Variants in YTHDF1 observed in about 807,000 individuals in gnomAD.
The protein encoded by YTHDF1 is YTH N6-methyladenosine RNA binding protein F1, also known as YTH domain-containing family protein 1.
A neutral mutation model predicts 49.1 loss-of-function variants in YTHDF1; 16 were observed. The observed-to-expected ratio is 0.33, with a 90% CI of 0.22 to 0.49. YTHDF1 has a LOEUF of 0.49. Ranked by LOEUF, YTHDF1 falls within the 20% of genes least tolerant of loss-of-function variation. The pLI, the probability that YTHDF1 is intolerant of heterozygous loss-of-function variation, is 0.99. For synonymous variants in YTHDF1, 313 were observed against 290.1 expected (o/e 1.08, Z -0.80); for missense variants, 621 against 744.3 (o/e 0.83, Z 1.93).
chr20:63,203,104 G>C lies in YTHDF1; in HGVS notation c.836C>G (p.Pro279Arg). ...MDIGTWDNKGPVPKAPVPQQA... is the reference protein window; with the variant it reads ...MDIGTWDNKGRVPKAPVPQQA... ...CTGGGGGACTGGGGCCTTCGGCACA[G>C]GCCCCTTGTTATCCCAGGTGCCAAT... Residue 279 changes from proline to arginine, a missense_variant, in exon 4 of 5, where the codon CCT (proline) becomes CGT (arginine). Physicochemically the swap from Pro to Arg is moderately radical, Grantham distance 103. Transcript: ENST00000370339. This position sits in a 1 kb window ranked among gnomAD's most constrained non-coding sequence, Gnocchi z 4.4. The C allele has an allele frequency of 6.2e-7, 1 of 1,611,390 alleles. No individual in the cohort carries two copies. Among genetic ancestry groups the C allele is most frequent in the East Asian group, 2.2e-5 (1 of 44,864 alleles).
Position 63,203,044 on chromosome 20 carries a change from T to A in YTHDF1, c.896A>T (p.Gln299Leu). The change falls in exon 4 of 5, where the codon CAG (glutamine) becomes CTG (leucine). Residue 299 changes from glutamine (Q) to leucine (L), a missense_variant. Physicochemically the swap from Gln to Leu is moderately radical, Grantham distance 113 (BLOSUM62 -2). Around this residue, in one of 2 missense-constraint regions of YTHDF1, gnomAD observed 470 missense variants for 495.8 expected, o/e 0.95. Coordinates refer to ENST00000370339, the MANE Select transcript of YTHDF1 (RefSeq NM_017798.4). This position sits in a 1 kb window ranked among gnomAD's most constrained non-coding sequence, Gnocchi z 4.4. ...APSPQAAPQP[Q>L]QVAQPLPAQP... ...TGCTGGGAGAGGCTGAGCCACCTGCTGGGGCTGTGGGGCAGCCTGTGGAGA... is the reference window on the plus strand; with the variant it reads ...TGCTGGGAGAGGCTGAGCCACCTGCAGGGGCTGTGGGGCAGCCTGTGGAGA... 1 of 1,606,008 alleles carries A rather than the reference T, an allele frequency of 6.2e-7. No individual in the cohort carries two copies. Among genetic ancestry groups the A allele is most frequent in the Non-Finnish European group, 8.5e-7 (1 of 1,175,302 alleles).
intron 3 of YTHDF1, among the ~76,000 whole-genome samples, chr20:63,209,517 C>T (rs1440402170): frequency 6.6e-6 from 1 of 152,056 alleles, no homozygotes; most frequent in Non-Finnish European, 1.5e-5. Context: ...TGCCTATAAT[C>T]CCAGCCCTCT....
At chr20:63,205,982 T>C (rs2066543867) in intron 3 of YTHDF1, among the ~76,000 whole-genome samples, 1 of 148,854 alleles carries the variant, frequency 6.7e-6, no homozygotes, top group Non-Finnish European at 1.5e-5. Context: ...TGCTGCAGCC[T>C]TTCCCTCGGG....
At chr20:63,213,825 C>G (rs760056825) in intron 3 of YTHDF1, 39 bp downstream of exon 3, 8 of 1,563,794 alleles carry the variant, frequency 5.1e-6, no homozygotes, top group African/African-American at 1.4e-5. Flanking sequence ...CAATTAAAAC[C>G]AACTTAAAAA....
chr20:63,209,977 A>G (rs186599909), intron 3 of YTHDF1, among the ~76,000 whole-genome samples: 78 of 152,332 alleles, frequency 5.1e-4, no homozygotes, highest in Admixed American at 2.3e-3. Context: ...TATAGCAAAT[A>G]CACAAAGTAG....
chr20:63,204,807 C>T (rs150211093), intron 3 of YTHDF1, among the ~76,000 whole-genome samples: 183 of 152,216 alleles, frequency 1.2e-3, no homozygotes, highest in African/African-American at 4.1e-3. Flanking sequence ...AGTTCTGGGA[C>T]GGCATCTCCT....
intron 3 of YTHDF1, among the ~76,000 whole-genome samples, chr20:63,206,037 AG>A (rs1179822895): frequency 6.9e-6 from 1 of 145,330 alleles, no homozygotes; most frequent in Non-Finnish European, 1.5e-5. Flanking sequence ...TGAGCGAATC[AG>A]GGGGGCGGTC....
chr20:63,201,566 G>C (rs1349243945), intron 4 of YTHDF1, among the ~76,000 whole-genome samples: 1 of 152,116 alleles, frequency 6.6e-6, no homozygotes, highest in African/African-American at 2.4e-5. Context: ...TCAGGAGTTT[G>C]GCTACAAGTA....
chr20:63,214,381 C>T (rs1326613957), intron 2 of YTHDF1, among the ~76,000 whole-genome samples: 1 of 152,162 alleles, frequency 6.6e-6, no homozygotes, highest in Non-Finnish European at 1.5e-5. Flanking sequence ...CTGTTGGGAG[C>T]TATTATCTGA....
At chr20:63,196,773 C>T (rs2122968550) in intron 4 of YTHDF1, 39 bp from the exon 5 acceptor site, 1 of 1,612,444 alleles carries the variant, frequency 6.2e-7, no homozygotes, top group East Asian at 2.2e-5. Flanking sequence ...GCAGAGTAAC[C>T]ACACCAATGA....
chr20:63,204,210 T>C (rs1224931584), intron 3 of YTHDF1, among the ~76,000 whole-genome samples: 1 of 152,212 alleles, frequency 6.6e-6, no homozygotes, highest in Non-Finnish European at 1.5e-5. Context: ...GAAACAGCTT[T>C]GTAAGGCAGA....
chr20:63,209,416 C>G (rs1161355369), intron 3 of YTHDF1, among the ~76,000 whole-genome samples: 1 of 152,088 alleles, frequency 6.6e-6, no homozygotes, highest in South Asian at 2.1e-4. Flanking sequence ...TTTGTTATAT[C>G]CTTATTCCAT....
chr20:63,197,415 A>C (rs765496843), intron 4 of YTHDF1, among the ~76,000 whole-genome samples: 4 of 152,178 alleles, frequency 2.6e-5, no homozygotes, highest in Non-Finnish European at 5.9e-5. Context: ...TAAGAGAATC[A>C]TCTTTTCCAG....
At chr20:63,199,290 C>T (rs1450725048) in intron 4 of YTHDF1, among the ~76,000 whole-genome samples, 2 of 151,886 alleles carry the variant, frequency 1.3e-5, no homozygotes, top group Admixed American at 6.5e-5. Context: ...GAGGCCAAAG[C>T]GGGCGGATCA....
Position 63,203,792 on chromosome 20 carries a change from A to T in YTHDF1, c.148T>A (p.Ser50Thr), listed in dbSNP as rs989587513. Residue 50 changes from serine (S) to threonine (T), a missense_variant, in exon 4 of 5, where the codon TCA (serine) becomes ACA (threonine). Physicochemically the swap from Ser to Thr is moderately conservative, Grantham distance 58. This residue lies in a region of YTHDF1 where 470 missense variants were observed against 495.8 expected (regional missense o/e 0.95). Coordinates refer to ENST00000370339, the MANE Select transcript of YTHDF1 (RefSeq NM_017798.4). This position sits in a 1 kb window ranked among gnomAD's most constrained non-coding sequence, Gnocchi z 4.4. ...CTGGACAGGTAGGGGTCGCTCATTG[A>T]GGGGTAACTGTTACTCTGCAAAAGC... is the stretch of plus-strand genomic sequence containing the variant. The part of the protein sequence containing the change: ...GQSNQSNSYP[S>T]MSDPYLSSYY... The T allele has an allele frequency of 1.4e-5, 23 of 1,604,732 alleles. No homozygotes were observed. Among genetic ancestry groups the T allele is most frequent in the African/African-American group, 4.0e-5 (3 of 74,756 alleles).
At chr20:63,215,728 T>G in intron 1 of YTHDF1, 127 bp from the exon 2 acceptor site, 1 of 1,390,044 alleles carries the variant, frequency 7.2e-7, no homozygotes. Flanking sequence ...CGCGGTCACG[T>G]GCGACCCCGG....
chr20:63,208,770 C>A (rs866293169), intron 3 of YTHDF1, among the ~76,000 whole-genome samples: 14 of 152,316 alleles, frequency 9.2e-5, no homozygotes, highest in Middle Eastern at 3.4e-3. Flanking sequence ...TCAGGTCACC[C>A]CGGGCCCACC....
rs531981548 is a variant in YTHDF1, at chr20:63,203,196, C to T, written c.744G>A (p.Met248Ile). The change falls in exon 4 of 5, where the codon ATG (methionine) becomes ATA (isoleucine). Residue 248 changes from methionine to isoleucine, a missense_variant. This residue lies in a region of YTHDF1 where 470 missense variants were observed against 495.8 expected (regional missense o/e 0.95). Coordinates refer to ENST00000370339, the MANE Select transcript of YTHDF1 (RefSeq NM_017798.4). This position sits in a 1 kb window ranked among gnomAD's most constrained non-coding sequence, Gnocchi z 4.4. Reference protein sequence around the residue: ...ASKPAKPQPKMKTKSGPVMGG... With the variant: ...ASKPAKPQPKIKTKSGPVMGG... ...CCATGACAGGCCCGCTCTTTGTTTT[C>T]ATTTTAGGCTGTGGTTTTGCAGGCT... 3 of 1,613,870 alleles carry T rather than the reference C, an allele frequency of 1.9e-6. No homozygotes were observed. The African/African-American group carries it at 4.0e-5, about 22-fold the overall frequency.
At chr20:63,206,438 C>T (rs1441003875) in intron 3 of YTHDF1, among the ~76,000 whole-genome samples, 1 of 152,218 alleles carries the variant, frequency 6.6e-6, no homozygotes, top group African/African-American at 2.4e-5. Context: ...TAAATGGACA[C>T]ACCTAGCACA....
Sources: gnomAD v4.1 joint callset for allele counts (sites outside exome capture counted in the v4.1 genomes callset) on GRCh38, gnomAD v4.1.1 for gene constraint, gnomAD v4.1.1 regional missense constraint, Gnocchi (gnomAD v3.1) non-coding constraint, MANE v1.5 for transcripts, NCBI Gene and HGNC (gene_info 2026-07-23, HGNC 2026-07-21) for gene names.